ZC3H13: variants seen among roughly 807,000 people sequenced by gnomAD.
The protein encoded by ZC3H13 is zinc finger CCCH-type containing 13, also known as zinc finger CCCH domain-containing protein 13.
Under a neutral mutation model 204.1 loss-of-function variants are expected in ZC3H13, and 64 were observed. That is an observed-to-expected ratio of 0.31 (90% CI 0.26 to 0.39). ZC3H13 has a LOEUF of 0.39. ZC3H13 is among the 10% of genes least tolerant of loss of function. The probability of loss-of-function intolerance (pLI) is 1.00; values close to 1 mark genes in which losing one functional copy is unlikely to be tolerated. For missense variants in ZC3H13, 1,833 were observed against 2,082.7 expected (o/e 0.88, Z 2.33); for synonymous variants, 667 against 693.7 (o/e 0.96, Z 0.60).
At chr13:45,958,648 G>GTTTCTTTTTTTTTTTTT (rs1413203609) in intron 18 of ZC3H13, among the ~76,000 whole-genome samples, 1 of 123,706 alleles carries the variant, frequency 8.1e-6, no homozygotes. Context: ...AAAAATCCCA[G>GTTTCTTTTTTTTTTTTT]TTTTTTTTTT....
Position 46,003,281 on chromosome 13 carries a change from G to C in ZC3H13, c.802C>G (p.Pro268Ala), listed in dbSNP as rs199537193. Residue 268 changes from proline (P) to alanine (A), a missense_variant, in exon 8 of 19, where the codon CCT (proline) becomes GCT (alanine). Pro to Ala is a conservative substitution (Grantham distance 27, BLOSUM62 -1). Around this residue, in one of 5 missense-constraint regions of ZC3H13, gnomAD observed 1,574 missense variants for 1,757.2 expected, o/e 0.90. Coordinates refer to ENST00000679008, the MANE Select transcript of ZC3H13 (RefSeq NM_001330564.2). Reference sequence around the variant, plus strand: ...AGAGCGATATCTTCTGGTATAGGAGGGGGTGGACTAGGAGTACGTGGTCCT... The same window carrying C: ...AGAGCGATATCTTCTGGTATAGGAGCGGGTGGACTAGGAGTACGTGGTCCT... ...KKGPRTPSPP[P>A]PIPEDIALGK... 5 of 1,612,660 alleles carry C rather than the reference G, an allele frequency of 3.1e-6. No individual in the cohort carries two copies. In the Admixed American group the frequency reaches 5.0e-5, roughly 16 times the overall value.
Position 46,003,220 on chromosome 13 carries a change from T to A in ZC3H13, c.863A>T (p.Asp288Val). 2 of 1,613,368 alleles carry A rather than the reference T, an allele frequency of 1.2e-6. No homozygotes were observed. Among genetic ancestry groups the A allele is most frequent in the Non-Finnish European group, 1.7e-6 (2 of 1,179,788 alleles). Residue 288 changes from aspartate to valine, a missense_variant, in exon 8 of 19, where the codon GAC (aspartate) becomes GTC (valine). Physicochemically the swap from Asp to Val is radical, Grantham distance 152. Coordinates refer to ENST00000679008, the MANE Select transcript of ZC3H13 (RefSeq NM_001330564.2). ...ATCTCTTGTTTTTTCTTCTATCCTG[T>A]CTTTTACTTTATATTTTTCTTTGTA... Reference protein sequence around the residue: ...KKYKEKYKVKDRIEEKTRDGK... With the variant: ...KKYKEKYKVKVRIEEKTRDGK...
At chr13:46,032,063 G>A (rs181025388) in intron 4 of ZC3H13, among the ~76,000 whole-genome samples, 9 of 152,180 alleles carry the variant, frequency 5.9e-5, no homozygotes, top group African/African-American at 1.4e-4. Flanking sequence ...CAGAATAGCC[G>A]AACTTTACAC....
intron 7 of ZC3H13, among the ~76,000 whole-genome samples, chr13:46,007,694 C>G (rs900802183): frequency 5.3e-5 from 8 of 152,174 alleles, no homozygotes; most frequent in Non-Finnish European, 1.2e-4. Flanking sequence ...TTTGTGTATT[C>G]TGAAATCACC....
At chr13:46,045,606 TA>T (rs2043894895) in intron 1 of ZC3H13, 90 bp from the exon 2 acceptor site, 1 of 852,854 alleles carries the variant, frequency 1.2e-6, no homozygotes, top group Non-Finnish European at 1.9e-6. Context: ...AAACTATAGG[TA>T]ACAGTGTAAA....
intron 8 of ZC3H13, among the ~76,000 whole-genome samples, chr13:45,989,706 G>C (rs968420585): frequency 4.6e-5 from 7 of 152,158 alleles, no homozygotes; most frequent in Admixed American, 4.6e-4. Context: ...CATAGTTCTT[G>C]GTTCAACTAA....
At position 45,969,651 on chromosome 13, in the gene ZC3H13, T is replaced by G; in HGVS notation, c.2893A>C (p.Lys965Gln). Reference sequence around the variant, plus strand: ...TCCTCTTTCTTTTTCTTAATTGGTTTCTTTTGAATTTTTGCTTTCTTCTTG... The same window carrying G: ...TCCTCTTTCTTTTTCTTAATTGGTTGCTTTTGAATTTTTGCTTTCTTCTTG... The part of the protein sequence containing the change: ...ENKKKAKIQK[K>Q]PIKKKKEDDV... The change falls in exon 14 of 19, where the codon AAA becomes CAA. Residue 965 changes from lysine (K) to glutamine (Q), a missense_variant. Coordinates refer to ENST00000679008, the MANE Select transcript of ZC3H13 (RefSeq NM_001330564.2). 1 of 1,608,762 alleles carries G rather than the reference T, an allele frequency of 6.2e-7. No homozygotes were observed. The highest frequency in any genetic ancestry group is 8.5e-7 in the Non-Finnish European group (1 of 1,178,904).
At chr13:45,963,761 A>T in intron 17 of ZC3H13, 81 bp downstream of exon 17, 1 of 1,591,792 alleles carries the variant, frequency 6.3e-7, no homozygotes, top group Non-Finnish European at 8.5e-7. Flanking sequence ...TAAGTGCTAC[A>T]TAAGAACAGA....
At chr13:46,006,380 AAT>A (rs2041151882) in intron 7 of ZC3H13, among the ~76,000 whole-genome samples, 1 of 152,030 alleles carries the variant, frequency 6.6e-6, no homozygotes, top group African/African-American at 2.4e-5. Context: ...ATAAAATAAA[AAT>A]ATAGTTGTTC....
At chr13:45,958,876 G>A (rs1038247498) in intron 18 of ZC3H13, among the ~76,000 whole-genome samples, 7 of 151,884 alleles carry the variant, frequency 4.6e-5, no homozygotes, top group East Asian at 1.9e-4. Context: ...GGATGGTCTC[G>A]ATCTCCTGAC....
rs957692381 is a variant in ZC3H13 at position 45,956,017 on chromosome 13, T to C, written c.*1110A>G. On this transcript the variant is annotated 3_prime_UTR_variant, in exon 19 of 19. Coordinates refer to ENST00000679008, the MANE Select transcript of ZC3H13 (RefSeq NM_001330564.2). ...TACTACTGTCTGCTCACAAATTCTGTGGCCAGAGTCCATTTCAAATCCTTC... is the reference window on the plus strand; with the variant it reads ...TACTACTGTCTGCTCACAAATTCTGCGGCCAGAGTCCATTTCAAATCCTTC... 1 of 152,162 alleles carries C rather than the reference T, an allele frequency of 6.6e-6. No individual in the cohort carries two copies. Among genetic ancestry groups the C allele is most frequent in the African/African-American group, 2.4e-5 (1 of 41,460 alleles). The allele number at this position is 152,162 out of a possible 1,614,324, so 9.4% of individuals were successfully genotyped here.
intron 4 of ZC3H13, among the ~76,000 whole-genome samples, chr13:46,036,098 T>C (rs1432620654): frequency 6.7e-6 from 1 of 150,234 alleles, no homozygotes; most frequent in African/African-American, 2.5e-5. Flanking sequence ...CAGTGAATCA[T>C]GTTTGCATCA....
intron 4 of ZC3H13, among the ~76,000 whole-genome samples, chr13:46,041,867 T>A (rs958832933): frequency 6.6e-6 from 1 of 152,088 alleles, no homozygotes; most frequent in African/African-American, 2.4e-5. Context: ...TTCTGAAAAC[T>A]TAAAGATACT....
chr13:45,971,868 A>C (rs1037475285), intron 12 of ZC3H13, among the ~76,000 whole-genome samples: 2 of 152,206 alleles, frequency 1.3e-5, no homozygotes, highest in African/African-American at 4.8e-5. Flanking sequence ...TCTCAAAAGA[A>C]GACATACAAA....
chr13:45,980,187 C>T (rs1480640557), intron 10 of ZC3H13, among the ~76,000 whole-genome samples, 183 bp from the exon 11 acceptor site: 1 of 151,884 alleles, frequency 6.6e-6, no homozygotes, highest in East Asian at 1.9e-4. Context: ...AATGACTGAC[C>T]TGAGTAGACG....
In ZC3H13 at chr13:45,956,767, G is replaced by A. The variant is rs1035600287; in HGVS notation, c.*360C>T. On this transcript the variant is annotated 3_prime_UTR_variant, in exon 19 of 19. Coordinates refer to ENST00000679008, the MANE Select transcript of ZC3H13 (RefSeq NM_001330564.2). Reference sequence around the variant, plus strand: ...GTTTTTGAATAAAATTGTTGGTTCTGTATGGATGATCCAGACATAAATCCA... The same window carrying A: ...GTTTTTGAATAAAATTGTTGGTTCTATATGGATGATCCAGACATAAATCCA... 7.4e-5 allele frequency: 12 copies of A among 162,072 alleles called. No individual in the cohort carries two copies. The highest frequency in any genetic ancestry group is 6.2e-3 in the Middle Eastern group (2 of 324). 10.0% of individuals were successfully genotyped at this position (162,072 alleles called of 1,614,324 possible). A position where few individuals can be genotyped will look rare whatever the true frequency, so the allele number is the denominator to read the frequency against.
In ZC3H13 at chr13:45,994,021, G is replaced by A. The variant is rs190982639; in HGVS notation, c.945-4924C>T. Among the ~76,000 whole-genome samples the A allele has an allele frequency of 4.6e-5, 7 of 152,322 alleles. No individual in the cohort carries two copies. The East Asian group carries it at 5.8e-4, about 13-fold the overall frequency. ...TGAACAACACAGGGTCCACACTTAC[G>A]TGTGAGTTTACTTCTGCCTCTGCCA... On this transcript the variant is annotated intron_variant, in intron 8 of 18. Coordinates refer to ENST00000679008, the MANE Select transcript of ZC3H13 (RefSeq NM_001330564.2).
At chr13:45,996,302 A>C (rs928783909) in intron 8 of ZC3H13, among the ~76,000 whole-genome samples, 2 of 152,228 alleles carry the variant, frequency 1.3e-5, no homozygotes, top group African/African-American at 4.8e-5. Context: ...ATTGACACAG[A>C]GTATTCCCTT....
intron 8 of ZC3H13, among the ~76,000 whole-genome samples, chr13:45,991,793 A>C (rs1268968336): frequency 1.3e-5 from 2 of 152,196 alleles, no homozygotes; most frequent in Non-Finnish European, 2.9e-5. Context: ...CTTTGGTCTG[A>C]CTAGATTCCA....
Sources: gnomAD v4.1 joint callset for allele counts (sites outside exome capture counted in the v4.1 genomes callset) on GRCh38, gnomAD v4.1.1 for gene constraint, gnomAD v4.1.1 regional missense constraint, MANE v1.5 for transcripts, NCBI Gene and HGNC (gene_info 2026-07-23, HGNC 2026-07-21) for gene names.